Variants in ABCB1 observed in about 807,000 individuals in gnomAD.
The protein encoded by ABCB1 is ATP-dependent translocase ABCB1.
Under a neutral mutation model 142.0 loss-of-function variants are expected in ABCB1, and 69 were observed. That is an observed-to-expected ratio of 0.49 (90% CI 0.40 to 0.59). ABCB1 has a LOEUF of 0.59. Ranked by LOEUF, ABCB1 falls within the 20% of genes least tolerant of loss-of-function variation. The pLI, the probability that ABCB1 is intolerant of heterozygous loss-of-function variation, is 0.00. For missense variants in ABCB1, 1,326 were observed against 1,554.7 expected, an observed-to-expected ratio of 0.85 and a Z score of 2.47; for synonymous variants, 532 against 539.2, an observed-to-expected ratio of 0.99 and a Z score of 0.18.
intron 6 of ABCB1, among the ~76,000 whole-genome samples, 155 bp downstream of exon 6, chr7:87,566,630 G>A (rs567211405): frequency 2.0e-5 from 3 of 152,240 alleles, no homozygotes; most frequent in Admixed American, 2.0e-4. Context: ...GGGAACAAAA[G>A]GATGCACACG....
At position 87,565,964 on chromosome 7, in the gene ABCB1, C is replaced by CAAG. The variant is rs751836302; in HGVS notation, c.702+103_702+105dup. 1.7e-4 allele frequency: 213 copies of CAAG among 1,288,622 alleles called. 2 individuals carry two copies. Among genetic ancestry groups the CAAG allele is most frequent in the Non-Finnish European group, 2.2e-4 (198 of 895,988 alleles). The allele number at this position is 1,288,622 out of a possible 1,614,324, so 79.8% of individuals were successfully genotyped here. On this transcript the variant is annotated intron_variant, in intron 7 of 27. Transcript: ENST00000622132. ...TTTTGAACAGAAAACGTAAAAGTAA[C>CAAG]AAGTACAGAATCAGAGTCATCATGT...
rs201541879 is a variant in ABCB1, at chr7:87,626,023, TAGAGAGAG to T, written c.-330-24953_-330-24946del. ...ATGTATATGTACATATATATATATA[TAGAGAGAG>T]AGAGAGAGAGAGAGATGGAGTCTCA... is the stretch of plus-strand genomic sequence containing the variant. On this transcript the variant is annotated intron_variant, in intron 1 of 28. Coordinates refer to the ABCB1 transcript ENST00000265724. Among the ~76,000 whole-genome samples, 24 of 114,510 alleles carry T rather than the reference TAGAGAGAG, an allele frequency of 2.1e-4. 1 individual carries two copies. The East Asian group carries it at 2.2e-3, about 10-fold the overall frequency. The allele number at this position is 114,510 out of a possible 152,430, so 75.1% of individuals were successfully genotyped here.
chr7:87,694,073 G>A, intron 1 of ABCB1: 3 of 1,510,806 alleles, frequency 2.0e-6, no homozygotes, highest in Non-Finnish European at 2.6e-6. Flanking sequence ...CATGGGTTTT[G>A]TAAAGCCTTC....
intron 1 of ABCB1, among the ~76,000 whole-genome samples, chr7:87,642,191 A>G (rs1822526629): frequency 6.6e-6 from 1 of 152,060 alleles, no homozygotes; most frequent in African/African-American, 2.4e-5. Flanking sequence ...ACATATATAT[A>G]TATTTTTAAA....
intron 1 of ABCB1, among the ~76,000 whole-genome samples, chr7:87,656,924 G>T (rs1238541951): frequency 6.6e-6 from 1 of 151,984 alleles, no homozygotes; most frequent in African/African-American, 2.4e-5. Flanking sequence ...TAGCACTGTT[G>T]TAAGTGCTGG....
At chr7:87,554,036 C>T (rs1817208850) in intron 8 of ABCB1, 104 bp from the exon 9 acceptor site, 3 of 1,089,294 alleles carry the variant, frequency 2.8e-6, no homozygotes, top group Non-Finnish European at 2.8e-6. Flanking sequence ...CTGTGATATA[C>T]ATGCATTTTG....
In ABCB1 at chr7:87,514,409, A is replaced by G. The variant is rs529737287; in HGVS notation, c.3282+822T>C. On this transcript the variant is annotated intron_variant, in intron 25 of 27. Transcript: ENST00000622132. ...CCCATCATAGTCGTTTAAACTCACT[A>G]CTCCCTGCCAGACACTTCCCTCATC... 3.9e-5 allele frequency among the ~76,000 whole-genome samples: 6 copies of G among 151,988 alleles called. No individual in the cohort carries two copies. The South Asian group carries it at 1.0e-3, about 26-fold the overall frequency.
intron 1 of ABCB1, chr7:87,628,935 A>G: frequency 7.6e-7 from 1 of 1,310,038 alleles, no homozygotes. Context: ...GAACCTGATC[A>G]CCGTGTGCAG....
upstream of ABCB1, chr7:87,601,042 T>C (rs2130007433): frequency 6.6e-6 from 1 of 152,306 alleles, no homozygotes; most frequent in Admixed American, 6.5e-5. Context: ...ACAGGTTGAA[T>C]TTCCAGGAGG....
chr7:87,638,460 C>T (rs189126574), intron 1 of ABCB1, among the ~76,000 whole-genome samples: 227 of 151,778 alleles, frequency 1.5e-3, no homozygotes, highest in South Asian at 6.0e-3. Context: ...ACCAGGGAAG[C>T]AATGTGAACC....
At chr7:87,629,281 C>A in intron 1 of ABCB1, 1 of 233,076 alleles carries the variant, frequency 4.3e-6, no homozygotes, top group Non-Finnish European at 8.3e-6. Flanking sequence ...AATGCCCATT[C>A]AGCTGTCAGC....
rs1817778510 is a variant in ABCB1, at chr7:87,566,238, A to T, written c.534T>A (p.Asp178Glu). 6.2e-7 allele frequency: 1 copy of T among 1,613,782 alleles called. No individual in the cohort carries two copies. Among genetic ancestry groups the T allele is most frequent in the African/African-American group, 1.3e-5 (1 of 74,950 alleles). The part of the protein sequence containing the change: ...VGELNTRLTD[D>E]VSKINEGIGD... The stretch of plus-strand genomic sequence containing the variant: ...CAATTCCTTCATTAATCTTGGAGAC[A>T]TCACTGAAAGAACAGATAGTGTTAG... Residue 178 changes from aspartate (D) to glutamate (E), a missense_variant, in exon 7 of 28, where the codon GAT becomes GAA. By Grantham distance (45) the Asp-to-Glu change is conservative (BLOSUM62 2). Transcript: ENST00000622132.
intron 6 of ABCB1, among the ~76,000 whole-genome samples, 164 bp from the exon 7 acceptor site, chr7:87,566,405 A>T (rs1817783403): frequency 1.3e-5 from 2 of 152,212 alleles, no homozygotes; most frequent in South Asian, 4.1e-4. Context: ...TTTGTCATTA[A>T]CAACAAAAAT....
intron 1 of ABCB1, among the ~76,000 whole-genome samples, chr7:87,646,173 G>T (rs908242224): frequency 3.3e-5 from 5 of 152,142 alleles, no homozygotes; most frequent in African/African-American, 1.2e-4. Flanking sequence ...ATCTTCTGTA[G>T]GAACGTAACC....
Position 87,540,600 on chromosome 7 carries a change from T to A in ABCB1, c.2319+757A>T, listed in dbSNP as rs575286139. 1.2e-4 allele frequency among the ~76,000 whole-genome samples: 18 copies of A among 152,276 alleles called. No homozygotes were observed. The South Asian group carries it at 3.7e-3, about 32-fold the overall frequency. ...GAGTAGCTGAGACTACAGGTGTGGA[T>A]CACCACGCCCTGTTAATTTTTGTAT... On this transcript the variant is annotated intron_variant, in intron 18 of 27. Coordinates refer to ENST00000622132, the MANE Select transcript of ABCB1 (RefSeq NM_001348946.2).
At chr7:87,565,555 A>G in intron 7 of ABCB1, 1 of 413,966 alleles carries the variant, frequency 2.4e-6, no homozygotes, top group South Asian at 1.7e-5. Context: ...TTATAACCAA[A>G]AATTTAACTG....
rs200143121 is a variant in ABCB1, at chr7:87,626,128, CAT to C, written c.-330-25052_-330-25051del. ...CATATATATGTGTCATATATATTGT[CAT>C]ATATATGTGTCATATATATTGTCAT... On this transcript the variant is annotated intron_variant, in intron 1 of 28. Coordinates refer to the ABCB1 transcript ENST00000265724. 1.9e-3 allele frequency among the ~76,000 whole-genome samples: 255 copies of C among 133,822 alleles called. 7 individuals are homozygous for C. The highest frequency in any genetic ancestry group is 3.1e-3 in the Non-Finnish European group (191 of 62,520). The allele number at this position is 133,822 out of a possible 152,430, so 87.8% of individuals were successfully genotyped here. A position where few individuals can be genotyped will look rare whatever the true frequency, so the allele number is the denominator to read the frequency against.
At chr7:87,641,194 G>A (rs1478428643) in intron 1 of ABCB1, among the ~76,000 whole-genome samples, 2 of 152,096 alleles carry the variant, frequency 1.3e-5, no homozygotes, top group South Asian at 2.1e-4. Flanking sequence ...TTGTGTCAAA[G>A]TATTCATAAG....
intron 8 of ABCB1, among the ~76,000 whole-genome samples, chr7:87,558,490 T>C (rs985141118): frequency 6.6e-6 from 1 of 152,156 alleles, no homozygotes; most frequent in African/African-American, 2.4e-5. Context: ...TCTTCCTATT[T>C]TCCAATACTT....
Sources: gnomAD v4.1 joint callset for allele counts (sites outside exome capture counted in the v4.1 genomes callset) on GRCh38, gnomAD v4.1.1 for gene constraint, MANE v1.5 for transcripts, NCBI Gene and HGNC (gene_info 2026-07-23, HGNC 2026-07-21) for gene names.